TUBGCP4: variants seen among roughly 807,000 people sequenced by gnomAD.
TUBGCP4 encodes the protein gamma-tubulin complex component 4.
A neutral mutation model predicts 91.6 loss-of-function variants in TUBGCP4; 54 were observed. The ratio of observed to expected loss-of-function variants is 0.59; its 90% CI spans 0.47 to 0.74. The LOEUF (loss-of-function observed/expected upper bound fraction) is 0.74, where lower values mean the gene tolerates loss of function less well. Ranked by LOEUF, TUBGCP4 falls within the 30% of genes least tolerant of loss-of-function variation. The pLI is 0.00. For missense variants in TUBGCP4, 593 were observed against 800.9 expected (o/e 0.74, Z 3.13); for synonymous variants, 297 against 302.8 (o/e 0.98, Z 0.20).
intron 13 of TUBGCP4, 70 bp from the exon 14 acceptor site, chr15:43,399,974 G>C: frequency 1.5e-6 from 2 of 1,318,562 alleles, no homozygotes; most frequent in South Asian, 2.7e-5. Flanking sequence ...CAAAGTCCTA[G>C]AGTCTGTCGT....
intron 9 of TUBGCP4, among the ~76,000 whole-genome samples, chr15:43,386,593 C>T (rs1344098798): frequency 6.7e-6 from 1 of 148,768 alleles, no homozygotes; most frequent in Non-Finnish European, 1.5e-5. Context: ...GGTGTGGTGG[C>T]ATGCACCTGT....
At chr15:43,398,372 C>A in intron 13 of TUBGCP4, 193 bp downstream of exon 13, 1 of 429,352 alleles carries the variant, frequency 2.3e-6, no homozygotes, top group Non-Finnish European at 3.8e-6. Flanking sequence ...ATAGTAAGAC[C>A]CCCATCTCAT....
intron 9 of TUBGCP4, 96 bp downstream of exon 9, chr15:43,386,426 T>C (rs1425205262): frequency 6.9e-6 from 1 of 144,986 alleles, no homozygotes; most frequent in African/African-American, 2.8e-5. Flanking sequence ...ACTAGTTTCC[T>C]AGAAATTGAG....
chr15:43,396,107 TTCTC>T (rs113203652), intron 11 of TUBGCP4, among the ~76,000 whole-genome samples: 1 of 152,022 alleles, frequency 6.6e-6, no homozygotes. Context: ...CTTCGATTCA[TTCTC>T]TCTCTCTCTC....
At chr15:43,377,625 A>G (rs2044226647) in intron 4 of TUBGCP4, 1 of 478,114 alleles carries the variant, frequency 2.1e-6, no homozygotes. Flanking sequence ...AAAAAAAAAA[A>G]AAAGAAAAAA....
chr15:43,392,713 G>A (rs898596027), intron 9 of TUBGCP4, among the ~76,000 whole-genome samples: 1 of 152,098 alleles, frequency 6.6e-6, no homozygotes, highest in Non-Finnish European at 1.5e-5. Context: ...TGTGCTGGCT[G>A]ATCCCGAACT....
Position 43,409,649 on chromosome 15 carries a change from G to C in TUBGCP4, c.*4435G>C, listed in dbSNP as rs1486182961. ...GGTTACACAAAGAAACTCCTCACCT[G>C]GGCTTCATTGAAATCTTCAAGGATA... On this transcript the variant is annotated 3_prime_UTR_variant, in exon 18 of 18. Transcript: ENST00000564079. 1 of 1,526,484 alleles carries C rather than the reference G, an allele frequency of 6.6e-7. No homozygotes were observed. 94.6% of individuals were successfully genotyped at this position (1,526,484 alleles called of 1,614,324 possible). A position where few individuals can be genotyped will look rare whatever the true frequency, so the allele number is the denominator to read the frequency against.
intron 9 of TUBGCP4, among the ~76,000 whole-genome samples, chr15:43,389,343 T>A (rs957013488): frequency 6.6e-6 from 1 of 152,210 alleles, no homozygotes; most frequent in Non-Finnish European, 1.5e-5. Context: ...TATCAGTTGT[T>A]CTAAGTAGAT....
At chr15:43,388,469 C>T (rs575605686) in intron 9 of TUBGCP4, among the ~76,000 whole-genome samples, 1 of 152,298 alleles carries the variant, frequency 6.6e-6, no homozygotes, top group East Asian at 1.9e-4. Context: ...ATGTTCCTGT[C>T]CTTTCAAAAT....
intron 9 of TUBGCP4, among the ~76,000 whole-genome samples, chr15:43,393,930 G>A (rs1415744203): frequency 1.3e-5 from 2 of 152,098 alleles, no homozygotes; most frequent in Non-Finnish European, 2.9e-5. Context: ...TTGCATGCCT[G>A]TAATGACTAA....
At chr15:43,404,073 C>G (rs1004181300) in intron 16 of TUBGCP4, 30 of 524,564 alleles carry the variant, frequency 5.7e-5, no homozygotes, top group East Asian at 5.0e-4. Flanking sequence ...CATCCTCCCC[C>G]CTCCTTACTT....
At chr15:43,380,491 A>T (rs540551127) in intron 6 of TUBGCP4, among the ~76,000 whole-genome samples, 1 of 152,230 alleles carries the variant, frequency 6.6e-6, no homozygotes, top group Non-Finnish European at 1.5e-5. Context: ...AAACATGTGT[A>T]TTTGAGTAGC....
In TUBGCP4 at chr15:43,408,080, C is replaced by G; in HGVS notation, c.*2866C>G. ...CTTCAGATTCTGGAAAGGATTTTCA[C>G]GGGGTTGCCTATGAAGGAGACAGGA... On this transcript the variant is annotated 3_prime_UTR_variant, in exon 18 of 18. Transcript: ENST00000564079. The G allele has an allele frequency of 1.2e-6, 2 of 1,613,740 alleles. No homozygotes were observed. The highest frequency in any genetic ancestry group is 1.7e-6 in the Non-Finnish European group (2 of 1,179,864).
chr15:43,376,304 CTA>C, intron 2 of TUBGCP4, 78 bp downstream of exon 2: 1 of 1,604,764 alleles, frequency 6.2e-7, no homozygotes, highest in African/African-American at 1.3e-5. Context: ...AGGGCAGGAG[CTA>C]TGTCAAGCTT....
At chr15:43,390,031 A>G (rs1595489382) in intron 9 of TUBGCP4, among the ~76,000 whole-genome samples, 2 of 152,054 alleles carry the variant, frequency 1.3e-5, no homozygotes, top group Non-Finnish European at 2.9e-5. Context: ...CTCCCACAAC[A>G]CGTGGGAGTT....
At chr15:43,395,461 A>G in intron 10 of TUBGCP4, 122 bp from the exon 11 acceptor site, 1 of 800,576 alleles carries the variant, frequency 1.2e-6, no homozygotes, top group South Asian at 1.6e-5. Flanking sequence ...AAATGCCTGT[A>G]TCTTTTGTAG....
At chr15:43,399,125 T>C in intron 13 of TUBGCP4, 1 of 1,277,826 alleles carries the variant, frequency 7.8e-7, no homozygotes, top group Non-Finnish European at 1.0e-6. Context: ...TAGACAATTT[T>C]AAAAACCAAA....
At chr15:43,375,039 A>G (rs1325412014) in intron 1 of TUBGCP4, among the ~76,000 whole-genome samples, 15 of 152,158 alleles carry the variant, frequency 9.9e-5, no homozygotes, top group Admixed American at 9.2e-4. Context: ...AGTAGCTGGC[A>G]TTACAGGCGC....
rs3986231 is a variant in TUBGCP4 at position 43,392,075 on chromosome 15, TACACACACACAC to T, written c.1015-2998_1015-2987del. On this transcript the variant is annotated intron_variant, in intron 9 of 17. Transcript: ENST00000564079. ...GTCTCAAAATAAAATAAAATAGAGATACACACACACACACACACACACACACACACACACACA... is the reference window on the plus strand; with the variant it reads ...GTCTCAAAATAAAATAAAATAGAGATACACACACACACACACACACACACA... 6.0e-3 allele frequency among the ~76,000 whole-genome samples: 796 copies of T among 133,180 alleles called. 7 individuals are homozygous for T. The highest frequency in any genetic ancestry group is 0.019 in the African/African-American group (709 of 36,438). 87.4% of individuals were successfully genotyped at this position (133,180 alleles called of 152,430 possible). A position where few individuals can be genotyped will look rare whatever the true frequency, so the allele number is the denominator to read the frequency against.
Sources: gnomAD v4.1 joint callset for allele counts (sites outside exome capture counted in the v4.1 genomes callset) on GRCh38, gnomAD v4.1.1 for gene constraint, MANE v1.5 for transcripts, NCBI Gene and HGNC (gene_info 2026-07-23, HGNC 2026-07-21) for gene names.